The following CADPS variants were observed in gnomAD, a reference collection of about 807,000 sequenced individuals.
The protein encoded by CADPS is calcium-dependent secretion activator 1.
A neutral mutation model predicts 167.3 loss-of-function variants in CADPS; 57 were observed. That is an observed-to-expected ratio of 0.34 (90% CI 0.28 to 0.42). The LOEUF (loss-of-function observed/expected upper bound fraction) is 0.42. Among genes scored for constraint, CADPS ranks in the 20% least tolerant of loss-of-function variants. The pLI, the probability that CADPS is intolerant of heterozygous loss-of-function variation, is 1.00. For synonymous variants in CADPS, 676 were observed against 635.3 expected (o/e 1.06, Z -0.96); for missense variants, 1,414 against 1,738.1 (o/e 0.81, Z 3.32).
chr3:62,439,640 A>C (rs1047630619), intron 27 of CADPS: 2 of 152,194 alleles, frequency 1.3e-5, no homozygotes, highest in Non-Finnish European at 2.9e-5. Flanking sequence ...GCAACTGTGC[A>C]TCAAAGGGCA....
Position 62,438,169 on chromosome 3 carries a change from G to A in CADPS, c.3712C>T (p.Arg1238Cys), listed in dbSNP as rs1188476583. The change falls in exon 28 of 30, where the codon CGC becomes TGC. Residue 1238 changes from arginine (R) to cysteine (C), a missense_variant. Around this residue, in one of 6 missense-constraint regions of CADPS, gnomAD observed 185 missense variants for 251.5 expected, o/e 0.74. Coordinates refer to ENST00000383710, the MANE Select transcript of CADPS (RefSeq NM_003716.4). The surrounding 1 kb of genome is among the most constrained non-coding windows in gnomAD (Gnocchi z 4.7). ...DVADAYVTFV[R>C]HSQDVLRDKV... The stretch of plus-strand genomic sequence containing the variant: ...TCACGCAGGACATCCTGAGAATGGC[G>A]GACGAAAGTCACGTAGGCGTCGGCC... The A allele has an allele frequency of 1.2e-6, 2 of 1,613,536 alleles. No homozygotes were observed. The highest frequency in any genetic ancestry group is 1.7e-6 in the Non-Finnish European group (2 of 1,179,712).
intron 2 of CADPS, among the ~76,000 whole-genome samples, chr3:62,760,542 G>T (rs964781568): frequency 6.6e-6 from 1 of 152,034 alleles, no homozygotes; most frequent in African/African-American, 2.4e-5. Flanking sequence ...GATGTGAACT[G>T]CACCTGGCCT....
chr3:62,522,544 C>T (rs1258462576), intron 13 of CADPS, among the ~76,000 whole-genome samples: 3 of 152,156 alleles, frequency 2.0e-5, no homozygotes, highest in South Asian at 4.1e-4. Context: ...TTCCAGCATT[C>T]CTTTCCCCGT....
rs1208478389 is a variant in CADPS, at chr3:62,780,178, G to C, written c.442-14194C>G. ...GTGAGCCACTGTGCCTGGCCTCAGG[G>C]GTATTTTCCAAATAGAAAAATGATC... On this transcript the variant is annotated intron_variant, in intron 1 of 29. Coordinates refer to ENST00000383710, the MANE Select transcript of CADPS (RefSeq NM_003716.4). Among the ~76,000 whole-genome samples the C allele has an allele frequency of 2.0e-5, 3 of 152,076 alleles. No homozygotes were observed. The East Asian group carries it at 5.8e-4, about 29-fold the overall frequency.
chr3:62,803,686 G>T (rs1330779959), intron 1 of CADPS, among the ~76,000 whole-genome samples: 2 of 152,072 alleles, frequency 1.3e-5, no homozygotes, highest in Non-Finnish European at 2.9e-5. Flanking sequence ...TGTTAGCATT[G>T]TCATCTGTAA....
intron 1 of CADPS, among the ~76,000 whole-genome samples, chr3:62,854,258 C>T (rs1314901260): frequency 6.6e-6 from 1 of 152,124 alleles, no homozygotes; most frequent in Non-Finnish European, 1.5e-5. Flanking sequence ...AATTATGAAC[C>T]TCCCCGTTAA....
intron 2 of CADPS, 84 bp downstream of exon 2, chr3:62,765,787 G>T: frequency 2.6e-6 from 2 of 769,814 alleles, no homozygotes; most frequent in South Asian, 1.9e-5. Context: ...AAACCAAAAC[G>T]ACTGTCCCCA....
In CADPS at chr3:62,797,379, C is replaced by T. The variant is rs116735948; in HGVS notation, c.442-31395G>A. Among the ~76,000 whole-genome samples the T allele has an allele frequency of 9.9e-3, 1,500 of 152,128 alleles. 24 individuals carry two copies. The highest frequency in any genetic ancestry group is 0.033 in the African/African-American group (1,382 of 41,494). On this transcript the variant is annotated intron_variant, in intron 1 of 29. Coordinates refer to ENST00000383710, the MANE Select transcript of CADPS (RefSeq NM_003716.4). ...CTCCCAGCACTTTGCATGCAGTAGA[C>T]GCCCATAAAATATTTAATGAATAAT...
intron 3 of CADPS, among the ~76,000 whole-genome samples, chr3:62,717,499 A>G (rs1341075873): frequency 2.0e-5 from 3 of 152,166 alleles, no homozygotes; most frequent in Admixed American, 2.0e-4. Context: ...ATCTTCGAAA[A>G]TAACACCTAC....
intron 21 of CADPS, among the ~76,000 whole-genome samples, chr3:62,484,005 G>A (rs537907920): frequency 3.7e-4 from 56 of 152,204 alleles, no homozygotes; most frequent in Middle Eastern, 3.4e-3. Flanking sequence ...ACATATTAGC[G>A]GGTGGCGGGT....
At chr3:62,809,721 G>A (rs1036855165) in intron 1 of CADPS, among the ~76,000 whole-genome samples, 2 of 152,112 alleles carry the variant, frequency 1.3e-5, no homozygotes, top group African/African-American at 2.4e-5. Flanking sequence ...GAGGGATGAG[G>A]TTTGTCTTGC....
chr3:62,628,448 T>C (rs2064547437), intron 6 of CADPS, among the ~76,000 whole-genome samples: 1 of 152,136 alleles, frequency 6.6e-6, no homozygotes, highest in Non-Finnish European at 1.5e-5. Flanking sequence ...AGTAATATGC[T>C]TTGTACTGAT....
chr3:62,442,589 A>G (rs917424346), intron 27 of CADPS, among the ~76,000 whole-genome samples: 15 of 152,170 alleles, frequency 9.9e-5, no homozygotes, highest in African/African-American at 2.9e-4. Flanking sequence ...ACCAATTTGC[A>G]TGGTGTAAAT....
At chr3:62,453,772 A>G (rs1283923846) in intron 26 of CADPS, among the ~76,000 whole-genome samples, 1 of 152,216 alleles carries the variant, frequency 6.6e-6, no homozygotes, top group Admixed American at 6.5e-5. Context: ...ATCTGGAATC[A>G]TAGACAGCAT....
chr3:62,467,540 T>C (rs759018045), intron 24 of CADPS, among the ~76,000 whole-genome samples: 1 of 152,158 alleles, frequency 6.6e-6, no homozygotes, highest in Non-Finnish European at 1.5e-5. Flanking sequence ...TTTAGAATCA[T>C]AGGCGAGGTT....
chr3:62,678,958 A>G (rs1419463525), intron 3 of CADPS, among the ~76,000 whole-genome samples: 1 of 152,056 alleles, frequency 6.6e-6, no homozygotes, highest in Non-Finnish European at 1.5e-5. Flanking sequence ...GACTGGTTAG[A>G]AAGAAAAAGA....
chr3:62,700,749 A>T (rs2081238483), intron 3 of CADPS, among the ~76,000 whole-genome samples: 1 of 152,108 alleles, frequency 6.6e-6, no homozygotes, highest in African/African-American at 2.4e-5. Context: ...GGCTGGGAAA[A>T]CTGAGCACAG....
At position 62,516,478 on chromosome 3, in the gene CADPS, C is replaced by T. The variant is rs1023283437; in HGVS notation, c.2457+102G>A. 4 of 923,426 alleles carry T rather than the reference C, an allele frequency of 4.3e-6. No individual in the cohort carries two copies. The Middle Eastern group carries it at 9.7e-4, about 224-fold the overall frequency. 57.2% of individuals were successfully genotyped at this position (923,426 alleles called of 1,614,324 possible). On this transcript the variant is annotated intron_variant, in intron 15 of 29. Transcript: ENST00000383710. The stretch of plus-strand genomic sequence containing the variant: ...GATATTTGATGAATGGTAAACAAAT[C>T]CTATAAAAATTACAACTAGGTCATT...
chr3:62,695,842 A>G (rs1446289009), intron 3 of CADPS, among the ~76,000 whole-genome samples: 4 of 152,022 alleles, frequency 2.6e-5, no homozygotes, highest in Admixed American at 2.6e-4. Context: ...GGCATGAGCC[A>G]CCAGCCTGGC....
Sources: gnomAD v4.1 joint callset for allele counts (sites outside exome capture counted in the v4.1 genomes callset) on GRCh38, gnomAD v4.1.1 for gene constraint, gnomAD v4.1.1 regional missense constraint, Gnocchi (gnomAD v3.1) non-coding constraint, MANE v1.5 for transcripts, NCBI Gene and HGNC (gene_info 2026-07-23, HGNC 2026-07-21) for gene names.